Variants in ESRRG observed in about 807,000 individuals in gnomAD.
The protein encoded by ESRRG is estrogen-related receptor gamma.
Under a neutral mutation model 44.0 loss-of-function variants are expected in ESRRG, and 13 were observed. The ratio of observed to expected loss-of-function variants is 0.30; its 90% CI spans 0.19 to 0.47. The LOEUF (loss-of-function observed/expected upper bound fraction) is 0.47. ESRRG is among the 20% of genes least tolerant of loss of function. The pLI, the probability that ESRRG is intolerant of heterozygous loss-of-function variation, is 1.00. For missense variants in ESRRG, 395 were observed against 580.6 expected, an observed-to-expected ratio of 0.68 and a Z score of 3.29; for synonymous variants, 215 against 214.6, an observed-to-expected ratio of 1.00 and a Z score of -0.02.
chr1:216,806,957 G>A (rs529259168), intron 2 of ESRRG, among the ~76,000 whole-genome samples: 1 of 152,148 alleles, frequency 6.6e-6, no homozygotes, highest in Non-Finnish European at 1.5e-5. Context: ...CTATCTGTGA[G>A]GCCAGGGCTC....
In ESRRG at chr1:216,922,516, G is replaced by T. The variant is rs576740909; in HGVS notation, c.-14+17066C>A. ...AAAATACAAAGAAGGATATAGTGCT[G>T]GTTGCCTGTTCATTAACTAGGTAGA... On this transcript the variant is annotated intron_variant, in intron 2 of 7. Coordinates refer to the ESRRG transcript ENST00000359162. Among the ~76,000 whole-genome samples, 36 of 152,244 alleles carry T rather than the reference G, an allele frequency of 2.4e-4. No individual in the cohort carries two copies. In the East Asian group the frequency reaches 6.6e-3, roughly 28 times the overall value.
intron 1 of ESRRG, among the ~76,000 whole-genome samples, chr1:216,979,025 G>T (rs190848089): frequency 2.0e-5 from 3 of 152,198 alleles, no homozygotes; most frequent in Non-Finnish European, 1.5e-5. Flanking sequence ...GAGAGGAGAA[G>T]TTTGCTCCAT....
intron 2 of ESRRG, among the ~76,000 whole-genome samples, chr1:216,920,164 C>T (rs1056135266): frequency 6.6e-6 from 1 of 152,134 alleles, no homozygotes; most frequent in East Asian, 1.9e-4. Flanking sequence ...ATGCTGTGCT[C>T]GCACTACAAA....
intron 2 of ESRRG, among the ~76,000 whole-genome samples, chr1:216,801,170 A>G (rs1391643494): frequency 6.6e-6 from 1 of 152,222 alleles, no homozygotes; most frequent in African/African-American, 2.4e-5. Context: ...TATTAACTGT[A>G]GTCCTCATGT....
intron 1 of ESRRG, among the ~76,000 whole-genome samples, chr1:216,951,396 C>T (rs2066923092): frequency 6.6e-6 from 1 of 152,084 alleles, no homozygotes; most frequent in South Asian, 2.1e-4. Context: ...TTATGCATTA[C>T]ACAATGGAGC....
chr1:217,080,499 A>G (rs2091654043), intron 1 of ESRRG, among the ~76,000 whole-genome samples: 1 of 152,104 alleles, frequency 6.6e-6, no homozygotes, highest in Non-Finnish European at 1.5e-5. Context: ...TGTTTTCTTC[A>G]TTTGTTTAGC....
At chr1:216,883,287 A>G (rs997946355) in intron 2 of ESRRG, among the ~76,000 whole-genome samples, 1 of 149,326 alleles carries the variant, frequency 6.7e-6, no homozygotes, top group Admixed American at 6.7e-5. Flanking sequence ...TGGGAGGCAG[A>G]GGCAGGAGAA....
Position 216,611,444 on chromosome 1 carries a change from G to C in ESRRG, c.589+39529C>G, listed in dbSNP as rs905959740. 4.6e-5 allele frequency among the ~76,000 whole-genome samples: 7 copies of C among 152,204 alleles called. No homozygotes were observed. The East Asian group carries it at 1.4e-3, about 29-fold the overall frequency. On this transcript the variant is annotated intron_variant, in intron 3 of 6. Transcript: ENST00000408911. ...TTATAAAGGTGTGTATAAATGTGAAGTCTACTTAATGTAACACACATATAA... is the reference window on the plus strand; with the variant it reads ...TTATAAAGGTGTGTATAAATGTGAACTCTACTTAATGTAACACACATATAA...
At chr1:216,811,465 T>C (rs1356464736) in intron 2 of ESRRG, among the ~76,000 whole-genome samples, 2 of 152,138 alleles carry the variant, frequency 1.3e-5, no homozygotes, top group Admixed American at 6.6e-5. Context: ...ACCTCTCCTA[T>C]TGGTCATTTA....
intron 5 of ESRRG, among the ~76,000 whole-genome samples, chr1:216,557,015 A>G (rs1248116921): frequency 2.6e-5 from 4 of 152,262 alleles, no homozygotes; most frequent in African/African-American, 9.6e-5. Flanking sequence ...TTTACCTATA[A>G]CTTTCAATCA....
intron 2 of ESRRG, among the ~76,000 whole-genome samples, chr1:216,852,323 A>G (rs2095854469): frequency 6.6e-6 from 1 of 152,194 alleles, no homozygotes; most frequent in South Asian, 2.1e-4. Flanking sequence ...GTTAATCAAG[A>G]TGGTGAACAC....
intron 2 of ESRRG, among the ~76,000 whole-genome samples, chr1:216,891,077 A>C (rs1172136401): frequency 6.6e-6 from 1 of 152,182 alleles, no homozygotes; most frequent in African/African-American, 2.4e-5. Context: ...TATGGAAAAA[A>C]AGGTTTCCTG....
At chr1:216,726,362 C>T (rs568345869), upstream of ESRRG, among the ~76,000 whole-genome samples, 1 of 152,294 alleles carries the variant, frequency 6.6e-6, no homozygotes, top group African/African-American at 2.4e-5. Flanking sequence ...ACTTGTGAGA[C>T]AGCTTCCAGA....
At chr1:216,837,425 A>T (rs948733212) in intron 2 of ESRRG, among the ~76,000 whole-genome samples, 9 of 151,316 alleles carry the variant, frequency 5.9e-5, no homozygotes, top group African/African-American at 2.2e-4. Flanking sequence ...AAAAAATACA[A>T]CTTTTTCCAT....
At chr1:216,837,807 AT>A (rs1448158010) in intron 2 of ESRRG, among the ~76,000 whole-genome samples, 2 of 152,140 alleles carry the variant, frequency 1.3e-5, no homozygotes, top group East Asian at 1.9e-4. Context: ...GTTGAAGAGA[AT>A]TTTTTCAAAT....
intron 1 of ESRRG, among the ~76,000 whole-genome samples, chr1:216,958,194 G>A (rs987780789): frequency 6.6e-6 from 1 of 152,094 alleles, no homozygotes; most frequent in African/African-American, 2.4e-5. Flanking sequence ...GGACATTTGG[G>A]GTTGTTTCAC....
intron 1 of ESRRG, among the ~76,000 whole-genome samples, chr1:217,127,043 T>C (rs1041483875): frequency 4.6e-5 from 7 of 152,212 alleles, no homozygotes; most frequent in Non-Finnish European, 8.8e-5. Context: ...AGATTAATTA[T>C]TAGAGATTTC....
At chr1:217,117,443 A>G (rs2092745353) in intron 1 of ESRRG, among the ~76,000 whole-genome samples, 1 of 151,936 alleles carries the variant, frequency 6.6e-6, no homozygotes, top group South Asian at 2.1e-4. Context: ...AACCTAGCTA[A>G]GGGTAGTGGT....
chr1:217,109,608 C>G (rs2092638404), intron 1 of ESRRG, among the ~76,000 whole-genome samples: 1 of 152,138 alleles, frequency 6.6e-6, no homozygotes, highest in Non-Finnish European at 1.5e-5. Flanking sequence ...CTTTCTTAAA[C>G]CATACATTTC....
Sources: gnomAD v4.1 joint callset for allele counts (sites outside exome capture counted in the v4.1 genomes callset) on GRCh38, gnomAD v4.1.1 for gene constraint, MANE v1.5 for transcripts, NCBI Gene and HGNC (gene_info 2026-07-23, HGNC 2026-07-21) for gene names.